XPO5: variants seen among roughly 807,000 people sequenced by gnomAD.
XPO5 encodes the protein exportin 5, also known as exportin-5.
Under a neutral mutation model 160.6 loss-of-function variants are expected in XPO5, and 46 were observed. The observed-to-expected ratio is 0.29, with a 90% CI of 0.23 to 0.37. XPO5 has a LOEUF of 0.37. Among genes scored for constraint, XPO5 ranks in the 10% least tolerant of loss-of-function variants. The pLI is 1.00. For missense variants in XPO5, 1,090 were observed against 1,463.9 expected, an observed-to-expected ratio of 0.74 and a Z score of 4.17; for synonymous variants, 537 against 519.3, an observed-to-expected ratio of 1.03 and a Z score of -0.46.
At chr6:43,526,397 T>A in intron 27 of XPO5, 1 of 457,270 alleles carries the variant, frequency 2.2e-6, no homozygotes, top group Non-Finnish European at 4.0e-6. Flanking sequence ...CCATTTTTGA[T>A]AGGTTGGTCA....
At chr6:43,562,477 A>C in intron 8 of XPO5, 131 bp from the exon 9 acceptor site, 5 of 719,392 alleles carry the variant, frequency 7.0e-6, no homozygotes, top group Non-Finnish European at 9.0e-6. Context: ...AGCTTTGCTA[A>C]ATTAAAAATT....
chr6:43,568,646 G>C (rs1252064515), intron 6 of XPO5, 65 bp downstream of exon 6: 1 of 1,383,288 alleles, frequency 7.2e-7, no homozygotes, highest in Non-Finnish European at 9.8e-7. Flanking sequence ...CCATCCACTA[G>C]GGGCACGTAT....
chr6:43,523,893 C>T lies in XPO5; in HGVS notation c.3590G>A (p.Gly1197Asp). 6.2e-7 allele frequency: 1 copy of T among 1,613,994 alleles called. No individual in the cohort carries two copies. The change falls in exon 32 of 32, where the codon GGC becomes GAC. Residue 1197 changes from glycine (G) to aspartate (D), a missense_variant. Coordinates refer to ENST00000265351, the MANE Select transcript of XPO5 (RefSeq NM_020750.3). ...ETEVLDNDGG[G>D]LATIFEP ...TCAGGGTTCAAAGATGGTGGCCAGG[C>T]CACCCCCATCATTGTCCAGCACCTC...
At position 43,575,955 on chromosome 6, in the gene XPO5, G is replaced by A. The variant is rs571433571; in HGVS notation, c.-91C>T. On this transcript the variant is annotated 5_prime_UTR_variant, in exon 1 of 32. Coordinates refer to ENST00000265351, the MANE Select transcript of XPO5 (RefSeq NM_020750.3). ...CTCGGCGAGACCACCCGTTGGTACCGGGCCGCGGCGGGCGGCGGGGGTGGG... is the reference window on the plus strand; with the variant it reads ...CTCGGCGAGACCACCCGTTGGTACCAGGCCGCGGCGGGCGGCGGGGGTGGG... 6 of 1,280,496 alleles carry A rather than the reference G, an allele frequency of 4.7e-6. No individual in the cohort carries two copies. The highest frequency in any genetic ancestry group is 3.0e-5 in the African/African-American group (2 of 65,974). 79.3% of individuals were successfully genotyped at this position (1,280,496 alleles called of 1,614,324 possible).
chr6:43,558,306 T>A (rs892464019), intron 12 of XPO5, among the ~76,000 whole-genome samples, 195 bp downstream of exon 12: 22 of 152,124 alleles, frequency 1.4e-4, no homozygotes, highest in African/African-American at 5.3e-4. Flanking sequence ...TGGGGGTTTG[T>A]GGTGTAAAAC....
chr6:43,540,347 C>T (rs1006111874), intron 20 of XPO5, among the ~76,000 whole-genome samples: 8 of 152,312 alleles, frequency 5.3e-5, no homozygotes, highest in African/African-American at 1.2e-4. Flanking sequence ...GGCGAGGTGG[C>T]GGGCACCTGT....
chr6:43,543,668 A>G (rs1350666859), intron 20 of XPO5, among the ~76,000 whole-genome samples: 3 of 151,404 alleles, frequency 2.0e-5, no homozygotes, highest in Non-Finnish European at 4.4e-5. Flanking sequence ...GATAAAATTT[A>G]TTTAATTTTT....
In XPO5 at chr6:43,524,946, G is replaced by A. The variant is rs1561861942; in HGVS notation, c.3197C>T (p.Ala1066Val). The A allele has an allele frequency of 6.2e-7, 1 of 1,613,670 alleles. No homozygotes were observed. The highest frequency in any genetic ancestry group is 8.5e-7 in the Non-Finnish European group (1 of 1,179,848). The change falls in exon 30 of 32, where the codon GCA becomes GTA. Residue 1066 changes from alanine to valine, a missense_variant. Around this residue, in one of 3 missense-constraint regions of XPO5, gnomAD observed 810 missense variants for 1,139.0 expected, o/e 0.71. Coordinates refer to ENST00000265351, the MANE Select transcript of XPO5 (RefSeq NM_020750.3). ...LKQVLSGTLL[A>V]DAVTWLFTSV... is the part of the protein sequence containing the mutation. ...GGTGAAAAGCCACGTAACTGCATCTGCGAGCAGTGTCCCTGACAGCACCTG... is the reference window on the plus strand; with the variant it reads ...GGTGAAAAGCCACGTAACTGCATCTACGAGCAGTGTCCCTGACAGCACCTG...
At chr6:43,528,254 A>G in intron 24 of XPO5, 49 bp from the exon 25 acceptor site, 1 of 1,530,626 alleles carries the variant, frequency 6.5e-7, no homozygotes. Context: ...AAAGGATTGG[A>G]ACACATAATA....
intron 24 of XPO5, among the ~76,000 whole-genome samples, 155 bp downstream of exon 24, chr6:43,528,673 T>C (rs1314179576): frequency 6.6e-6 from 1 of 152,208 alleles, no homozygotes; most frequent in Non-Finnish European, 1.5e-5. Flanking sequence ...TGCTCGATCC[T>C]ACAGCAAGGA....
chr6:43,527,622 C>T lies in XPO5; in HGVS notation c.2920+12G>A. The T allele has an allele frequency of 1.2e-6, 2 of 1,613,708 alleles. No homozygotes were observed. Among genetic ancestry groups the T allele is most frequent in the Non-Finnish European group, 1.7e-6 (2 of 1,179,712 alleles). ...AAATCCTCTATAGCCCCAGTTTCGA[C>T]ATGCCACTTACTGATTAGGTCCATG... On this transcript the variant is annotated intron_variant, in intron 26 of 31. Transcript: ENST00000265351.
intron 13 of XPO5, among the ~76,000 whole-genome samples, chr6:43,554,409 C>A (rs1761908709): frequency 6.6e-6 from 1 of 151,110 alleles, no homozygotes; most frequent in Non-Finnish European, 1.5e-5. Context: ...CTGTGCCCAG[C>A]CGCTTTTCTT....
intron 17 of XPO5, 120 bp downstream of exon 17, chr6:43,549,369 T>C (rs1795120107): frequency 1.7e-5 from 17 of 989,640 alleles, no homozygotes; most frequent in Non-Finnish European, 2.0e-5. Context: ...CGGCCAAGGA[T>C]GCTTATATGA....
At chr6:43,525,441 G>A (rs535469720) in intron 28 of XPO5, 1 of 540,142 alleles carries the variant, frequency 1.9e-6, no homozygotes, top group Non-Finnish European at 3.3e-6. Flanking sequence ...CCTGGCTTAG[G>A]AGCTGGAGTT....
chr6:43,565,492 G>T (rs1762649792), intron 8 of XPO5, among the ~76,000 whole-genome samples, 168 bp downstream of exon 8: 1 of 151,876 alleles, frequency 6.6e-6, no homozygotes, highest in Non-Finnish European at 1.5e-5. Context: ...TTGATCCCAG[G>T]AGACGGAGGT....
At chr6:43,554,631 C>G (rs1198051691) in intron 13 of XPO5, among the ~76,000 whole-genome samples, 1 of 152,024 alleles carries the variant, frequency 6.6e-6, no homozygotes, top group Non-Finnish European at 1.5e-5. Flanking sequence ...GCCATGTTGG[C>G]CAGGCTGGTC....
At chr6:43,526,564 G>T in intron 27 of XPO5, 121 bp downstream of exon 27, 1 of 1,120,660 alleles carries the variant, frequency 8.9e-7, no homozygotes, top group Non-Finnish European at 1.3e-6. Context: ...CTGGTCCAGA[G>T]ATGATAACTA....
rs796693130 is a variant in XPO5, at chr6:43,570,338, G to T, written c.621+164C>A. On this transcript the variant is annotated intron_variant, in intron 5 of 31. Coordinates refer to ENST00000265351, the MANE Select transcript of XPO5 (RefSeq NM_020750.3). ...AAAAAAAAAAAAAAAAAAAAAGAAA[G>T]AAAATGAGCTCCAGTTTTTCTGTCA... is the stretch of plus-strand genomic sequence containing the variant. Among the ~76,000 whole-genome samples the T allele has an allele frequency of 3.9e-4, 53 of 136,248 alleles. 1 individual carries two copies. The highest frequency in any genetic ancestry group is 3.9e-3 in the Middle Eastern group (1 of 254). 89.4% of individuals were successfully genotyped at this position (136,248 alleles called of 152,430 possible).
At chr6:43,542,863 A>G (rs1404034597) in intron 20 of XPO5, among the ~76,000 whole-genome samples, 1 of 152,250 alleles carries the variant, frequency 6.6e-6, no homozygotes, top group East Asian at 1.9e-4. Context: ...TTCTACTCCT[A>G]TGTGTGTATC....
Sources: allele counts gnomAD v4.1 joint callset (sites outside exome capture counted in the v4.1 genomes callset), GRCh38; gene constraint gnomAD v4.1.1; regional missense constraint gnomAD v4.1.1; transcripts MANE v1.5; gene names NCBI Gene and HGNC (gene_info 2026-07-23, HGNC 2026-07-21).